IL17RE: variants seen among roughly 807,000 people sequenced by gnomAD.
The protein encoded by IL17RE is interleukin-17 receptor E.
Under a neutral mutation model 70.7 loss-of-function variants are expected in IL17RE, and 47 were observed. That is an observed-to-expected ratio of 0.67 (90% CI 0.53 to 0.85). The LOEUF is 0.85. IL17RE is among the 40% of genes least tolerant of loss of function. The pLI is 0.00. For missense variants in IL17RE, 850 were observed against 893.9 expected (o/e 0.95, Z 0.63); for synonymous variants, 372 against 381.2 (o/e 0.98, Z 0.28).
At position 9,915,775 on chromosome 3, in the gene IL17RE, C is replaced by A. The variant is rs541811483; in HGVS notation, c.1972C>A (p.Arg658=). Residue 658 remains arginine (R), a synonymous_variant, in exon 16 of 16, where the codon CGA becomes AGA. Transcript: ENST00000383814. This position sits in a 1 kb window ranked among gnomAD's most constrained non-coding sequence, Gnocchi z 4.9. ...CCTAGAGCTGTGCAGCCGGCTCGAA[C>A]GAGAGGCCGCCCGACTTGCAGACCT... ...SRLELCSRLE[R]EAARLADLG 3.9e-6 allele frequency: 6 copies of A among 1,532,798 alleles called. No individual in the cohort carries two copies. In the East Asian group the frequency reaches 1.6e-4, roughly 40 times the overall value. The allele number at this position is 1,532,798 out of a possible 1,614,324, so 94.9% of individuals were successfully genotyped here. A position where few individuals can be genotyped will look rare whatever the true frequency, so the allele number is the denominator to read the frequency against.
At chr3:9,914,494 C>T in intron 13 of IL17RE, 54 bp from the exon 14 acceptor site, 1 of 1,608,762 alleles carries the variant, frequency 6.2e-7, no homozygotes, top group Non-Finnish European at 8.5e-7. Flanking sequence ...TCACTCAGCT[C>T]CCCGGGAGGA....
At chr3:9,912,939 G>A (rs1010023735) in intron 12 of IL17RE, among the ~76,000 whole-genome samples, 3 of 152,086 alleles carry the variant, frequency 2.0e-5, no homozygotes, top group Admixed American at 1.3e-4. Flanking sequence ...AGCAGGCTCT[G>A]GGAGATACAA....
At chr3:9,902,845 A>G (rs769046424), upstream of IL17RE, 4 of 1,608,294 alleles carry the variant, frequency 2.5e-6, no homozygotes, top group African/African-American at 1.3e-5. Context: ...TCCTGCTGGT[A>G]CTGTGTTCGC....
At position 9,908,323 on chromosome 3, in the gene IL17RE, G is replaced by T. The variant is rs1575485829; in HGVS notation, c.735+16G>T. ...GTGCATAGAGGTGAGCAAAGGAAAA[G>T]GTGTGGGCTGTCCATGGCTCTGCTC... On this transcript the variant is annotated intron_variant, in intron 7 of 15. Coordinates refer to ENST00000383814, the MANE Select transcript of IL17RE (RefSeq NM_153480.2). 1.2e-6 allele frequency: 2 copies of T among 1,611,072 alleles called. No individual in the cohort carries two copies. The highest frequency in any genetic ancestry group is 2.2e-5 in the East Asian group (1 of 44,868).
At chr3:9,903,129 C>A in intron 1 of IL17RE, 65 bp downstream of exon 1, 2 of 1,425,772 alleles carry the variant, frequency 1.4e-6, no homozygotes, top group Non-Finnish European at 2.0e-6. Flanking sequence ...CACTCCCCTG[C>A]CTGCCCTGTG....
chr3:9,909,137 A>G (rs2082829315), intron 7 of IL17RE, 80 bp from the exon 8 acceptor site: 2 of 1,237,288 alleles, frequency 1.6e-6, no homozygotes, highest in Non-Finnish European at 2.3e-6. Context: ...CAGTAAGGTA[A>G]AGCCAGAATG....
At chr3:9,904,861 A>C (rs2125071842) in intron 3 of IL17RE, among the ~76,000 whole-genome samples, 1 of 152,334 alleles carries the variant, frequency 6.6e-6, no homozygotes, top group South Asian at 2.1e-4. Context: ...TGGGAGGCCA[A>C]GGTGGGTGGA....
At position 9,915,267 on chromosome 3, in the gene IL17RE, G is replaced by A; in HGVS notation, c.1464G>A (p.Arg488=). ...RRPQSGPGPA[R]PVLLLHAADS... ...CGCCACCAGGCCCGGGCCCAGCGCGGCCAGTGCTCCTCCTGCACGCGGCGG... is the reference window on the plus strand; with the variant it reads ...CGCCACCAGGCCCGGGCCCAGCGCGACCAGTGCTCCTCCTGCACGCGGCGG... The change falls in exon 16 of 16, where the codon CGG becomes CGA. Residue 488 remains arginine (R), a synonymous_variant. Coordinates refer to ENST00000383814, the MANE Select transcript of IL17RE (RefSeq NM_153480.2). This position sits in a 1 kb window ranked among gnomAD's most constrained non-coding sequence, Gnocchi z 4.9. 1.4e-6 allele frequency: 2 copies of A among 1,397,616 alleles called. No homozygotes were observed. The highest frequency in any genetic ancestry group is 1.8e-6 in the Non-Finnish European group (2 of 1,083,578). 86.6% of individuals were successfully genotyped at this position (1,397,616 alleles called of 1,614,324 possible).
At chr3:9,911,068 G>A in intron 9 of IL17RE, 28 bp downstream of exon 9, 1 of 1,614,118 alleles carries the variant, frequency 6.2e-7, no homozygotes, top group Non-Finnish European at 8.5e-7. Context: ...CAGGACCAGG[G>A]TGGGCAGGGC....
At position 9,911,144 on chromosome 3, in the gene IL17RE, G is replaced by T; in HGVS notation, c.996G>T (p.Lys332Asn). Residue 332 changes from lysine (K) to asparagine (N), a missense_variant, in exon 10 of 16, where the codon AAG becomes AAT. Transcript: ENST00000383814. ...TCCCACAGTGGTATGTTTTGGAGAA[G>T]GTGGACCTGCACCCCCAGCTCTGCT... ...RESDGWYVLE[K>N]VDLHPQLCFK... is the part of the protein sequence containing the mutation. 6.2e-7 allele frequency: 1 copy of T among 1,614,226 alleles called. No individual in the cohort carries two copies. The highest frequency in any genetic ancestry group is 2.2e-5 in the East Asian group (1 of 44,886).
rs2083021512 is a variant in IL17RE, at chr3:9,915,487, GCCGACCTTCGCCCGGTCAGCGGCC to G, written c.1691_1714del (p.Leu564_Asp571del). The stretch of plus-strand genomic sequence containing the variant: ...CACTGTGCTGCTGCTGTGGAGCGGC[GCCGACCTTCGCCCGGTCAGCGGCC>G]CCGACCCCCGCGCCGCGCCCCTGCT... On this transcript the variant is annotated inframe_deletion, in exon 16 of 16. Transcript: ENST00000383814. This position sits in a 1 kb window ranked among gnomAD's most constrained non-coding sequence, Gnocchi z 4.9. 5 of 1,314,056 alleles carry G rather than the reference GCCGACCTTCGCCCGGTCAGCGGCC, an allele frequency of 3.8e-6. No homozygotes were observed. In the South Asian group the frequency reaches 9.1e-5, roughly 24 times the overall value. The allele number at this position is 1,314,056 out of a possible 1,614,324, so 81.4% of individuals were successfully genotyped here. A position where few individuals can be genotyped will look rare whatever the true frequency, so the allele number is the denominator to read the frequency against.
chr3:9,904,088 T>A lies in IL17RE; in HGVS notation c.205T>A (p.Trp69Arg), dbSNP rs1178025634. ...TWWALFSTKP[W>R]CVRVWHCSRC... ...GTGGGCCCTCTTCTCCACAAAGCCT[T>A]GGTGTGTGCGAGTCTGGCACTGTTC... Residue 69 changes from tryptophan (W) to arginine (R), a missense_variant, in exon 3 of 16, where the codon TGG becomes AGG. By Grantham distance (101) the Trp-to-Arg change is moderately radical. Transcript: ENST00000383814. The A allele has an allele frequency of 2.5e-6, 4 of 1,614,146 alleles. No homozygotes were observed.
At chr3:9,911,367 G>C in intron 11 of IL17RE, 67 bp downstream of exon 11, 1 of 1,613,158 alleles carries the variant, frequency 6.2e-7, no homozygotes, top group Non-Finnish European at 8.5e-7. Flanking sequence ...CTGTAACCAA[G>C]CTAAACCCCA....
chr3:9,903,517 C>A, intron 2 of IL17RE, 105 bp downstream of exon 2: 2 of 1,278,752 alleles, frequency 1.6e-6, no homozygotes, highest in Non-Finnish European at 2.2e-6. Flanking sequence ...CGGGAAGTAG[C>A]ACAATATCAA....
Position 9,914,615 on chromosome 3 carries a change from G to A in IL17RE, c.1348+16G>A. ...TGTCCGGATGGTGAGTTCTTGGGGA[G>A]GGGGAGGTAAGAGGGAGGCTGGGCA... On this transcript the variant is annotated intron_variant, in intron 14 of 15. Transcript: ENST00000383814. 1 of 1,613,420 alleles carries A rather than the reference G, an allele frequency of 6.2e-7. No individual in the cohort carries two copies. Among genetic ancestry groups the A allele is most frequent in the South Asian group, 1.1e-5 (1 of 91,062 alleles).
At chr3:9,902,390 A>G (rs1391416955), upstream of IL17RE, among the ~76,000 whole-genome samples, 1 of 152,184 alleles carries the variant, frequency 6.6e-6, no homozygotes, top group Non-Finnish European at 1.5e-5. Context: ...GCCAGGGTAC[A>G]TATGGGCTTC....
In IL17RE at chr3:9,911,466, A is replaced by C; in HGVS notation, c.1096A>C (p.Ser366Arg). The C allele has an allele frequency of 6.2e-7, 1 of 1,614,210 alleles. No individual in the cohort carries two copies. Among genetic ancestry groups the C allele is most frequent in the Non-Finnish European group, 8.5e-7 (1 of 1,180,032 alleles). Reference sequence around the variant, plus strand: ...AGGGTCTCTCACATCCTGGAATGTAAGCATGGATACCCAAGCCCAGCAGCT... The same window carrying C: ...AGGGTCTCTCACATCCTGGAATGTACGCATGGATACCCAAGCCCAGCAGCT... Reference protein sequence around the residue: ...QTGSLTSWNVSMDTQAQQLIL... With the variant: ...QTGSLTSWNVRMDTQAQQLIL... Residue 366 changes from serine (S) to arginine (R), a missense_variant, in exon 12 of 16, where the codon AGC becomes CGC. Ser to Arg is a moderately radical substitution (Grantham distance 110). Coordinates refer to ENST00000383814, the MANE Select transcript of IL17RE (RefSeq NM_153480.2).
rs1355467953 is a variant in IL17RE at position 9,915,443 on chromosome 3, G to C, written c.1640G>C (p.Arg547Pro). Residue 547 changes from arginine to proline, a missense_variant, in exon 16 of 16, where the codon CGC (arginine) becomes CCC (proline). By Grantham distance (103) the Arg-to-Pro change is moderately radical. Coordinates refer to ENST00000383814, the MANE Select transcript of IL17RE (RefSeq NM_153480.2). This position sits in a 1 kb window ranked among gnomAD's most constrained non-coding sequence, Gnocchi z 4.9. ...PLPWLWAART[R>P]VAREQGTVLL... ...CCGTGGCTCTGGGCGGCGCGGACGC[G>C]CGTAGCGCGGGAGCAGGGCACTGTG... 7.4e-7 allele frequency: 1 copy of C among 1,352,510 alleles called. No individual in the cohort carries two copies. Among genetic ancestry groups the C allele is most frequent in the Non-Finnish European group, 9.4e-7 (1 of 1,060,852 alleles). 83.8% of individuals were successfully genotyped at this position (1,352,510 alleles called of 1,614,324 possible).
chr3:9,903,515 A>G (rs1384067261), intron 2 of IL17RE, 103 bp downstream of exon 2: 5 of 1,294,698 alleles, frequency 3.9e-6, no homozygotes, highest in Admixed American at 1.8e-5. Flanking sequence ...CCCGGGAAGT[A>G]GCACAATATC....
Sources: gnomAD v4.1 joint callset for allele counts (sites outside exome capture counted in the v4.1 genomes callset) on GRCh38, gnomAD v4.1.1 for gene constraint, Gnocchi (gnomAD v3.1) non-coding constraint, MANE v1.5 for transcripts, NCBI Gene and HGNC (gene_info 2026-07-23, HGNC 2026-07-21) for gene names.